Variants in RNF144A observed in about 807,000 individuals in gnomAD.
The protein encoded by RNF144A is E3 ubiquitin-protein ligase RNF144A.
A neutral mutation model predicts 38.7 loss-of-function variants in RNF144A; 11 were observed. The observed-to-expected ratio is 0.28, with a 90% CI of 0.18 to 0.47. The LOEUF is 0.47. Ranked by LOEUF, RNF144A falls within the 20% of genes least tolerant of loss-of-function variation. The pLI, the probability that RNF144A is intolerant of heterozygous loss-of-function variation, is 0.99. For synonymous variants in RNF144A, 149 were observed against 143.9 expected, an observed-to-expected ratio of 1.04 and a Z score of -0.25; for missense variants, 316 against 377.2, an observed-to-expected ratio of 0.84 and a Z score of 1.34.
At chr2:6,938,368 C>T (rs1472522527) in intron 1 of RNF144A, among the ~76,000 whole-genome samples, 2 of 151,722 alleles carry the variant, frequency 1.3e-5, no homozygotes, top group African/African-American at 4.8e-5. Context: ...CTGCCTCAGC[C>T]TCCCATGTAG....
intron 3 of RNF144A, among the ~76,000 whole-genome samples, chr2:7,005,350 T>G (rs930456771): frequency 6.6e-6 from 1 of 152,180 alleles, no homozygotes; most frequent in African/African-American, 2.4e-5. Flanking sequence ...TTCCCAGGCC[T>G]CTCTTCTGGG....
At chr2:7,036,457 G>A (rs989180844) in intron 8 of RNF144A, among the ~76,000 whole-genome samples, 2 of 152,200 alleles carry the variant, frequency 1.3e-5, no homozygotes, top group African/African-American at 4.8e-5. Flanking sequence ...AGGACCAGGT[G>A]TTCCTTCCAG....
At chr2:6,957,302 G>A (rs1667068419) in intron 2 of RNF144A, among the ~76,000 whole-genome samples, 1 of 152,224 alleles carries the variant, frequency 6.6e-6, no homozygotes, top group Admixed American at 6.5e-5. Flanking sequence ...CCTGGCATCT[G>A]CTCCGGTGTT....
In RNF144A at chr2:7,020,489, C is replaced by T; in HGVS notation, c.318C>T (p.Pro106=). ...CTGTACCAGAGGTGCTGTTTGATCCCTGTCGGACTTGGTGCCCGGCGTCCA... is the reference window on the plus strand; with the variant it reads ...CTGTACCAGAGGTGCTGTTTGATCCTTGTCGGACTTGGTGCCCGGCGTCCA... ...LQFEREVLFD[P]CRTWCPASTC... is the part of the protein sequence containing the mutation. Residue 106 remains proline (P), a synonymous_variant, in exon 6 of 9, where the codon CCC becomes CCT. Transcript: ENST00000320892. The T allele has an allele frequency of 6.2e-7, 1 of 1,613,836 alleles. No individual in the cohort carries two copies. Among genetic ancestry groups the T allele is most frequent in the Non-Finnish European group, 8.5e-7 (1 of 1,179,980 alleles).
At chr2:7,061,282 G>A (rs970506190) in intron 6 of RNF144A, among the ~76,000 whole-genome samples, 5 of 152,176 alleles carry the variant, frequency 3.3e-5, no homozygotes, top group African/African-American at 4.8e-5. Context: ...TTATGTCTCC[G>A]AGTTGGTTTC....
At chr2:7,032,219 G>A (rs1324451777) in intron 8 of RNF144A, among the ~76,000 whole-genome samples, 2 of 151,994 alleles carry the variant, frequency 1.3e-5, no homozygotes, top group African/African-American at 4.8e-5. Flanking sequence ...TGGAATCCGC[G>A]CCCCTTGCAG....
chr2:7,006,189 G>A (rs1449189441), intron 3 of RNF144A, among the ~76,000 whole-genome samples: 1 of 152,048 alleles, frequency 6.6e-6, no homozygotes, highest in Non-Finnish European at 1.5e-5. Flanking sequence ...AGTTGTCGGA[G>A]TTCCTGCACA....
chr2:7,028,882 G>C (rs1480332828), intron 7 of RNF144A, among the ~76,000 whole-genome samples: 1 of 152,170 alleles, frequency 6.6e-6, no homozygotes, highest in Non-Finnish European at 1.5e-5. Context: ...CCAGCCCCCA[G>C]CCAAAGCCTC....
intron 8 of RNF144A, among the ~76,000 whole-genome samples, chr2:7,034,534 C>T (rs916909166): frequency 1.3e-5 from 2 of 152,212 alleles, no homozygotes; most frequent in African/African-American, 2.4e-5. Context: ...GTCCTTCCTC[C>T]GGGCTGCTAC....
At chr2:6,952,198 C>T (rs939592876) in intron 2 of RNF144A, among the ~76,000 whole-genome samples, 4 of 152,002 alleles carry the variant, frequency 2.6e-5, no homozygotes, top group East Asian at 1.9e-4. Context: ...TGTTCTGTTA[C>T]GCTTACAATA....
intron 2 of RNF144A, among the ~76,000 whole-genome samples, chr2:6,979,442 A>G (rs1304543695): frequency 3.3e-5 from 5 of 152,208 alleles, no homozygotes; most frequent in African/African-American, 4.8e-5. Context: ...TGTCATTGCC[A>G]TTGTTAAACC....
Position 7,043,406 on chromosome 2 carries a change from T to G in RNF144A, c.*3646T>G. On this transcript the variant is annotated 3_prime_UTR_variant, in exon 9 of 9. Coordinates refer to ENST00000320892, the MANE Select transcript of RNF144A (RefSeq NM_014746.6). ...TTTAAAAATTAGGGGATTGAAAGGA[T>G]CCAGGATGGGCTTTGTGTGTGTGTC... 1.0e-6 allele frequency: 1 copy of G among 985,686 alleles called. No homozygotes were observed. Among genetic ancestry groups the G allele is most frequent in the Non-Finnish European group, 1.2e-6 (1 of 829,918 alleles). 61.1% of individuals were successfully genotyped at this position (985,686 alleles called of 1,614,324 possible). A position where few individuals can be genotyped will look rare whatever the true frequency, so the allele number is the denominator to read the frequency against.
intron 7 of RNF144A, among the ~76,000 whole-genome samples, chr2:7,025,300 A>C (rs1671812308): frequency 6.6e-6 from 1 of 152,206 alleles, no homozygotes; most frequent in African/African-American, 2.4e-5. Flanking sequence ...CCTTGCCCAT[A>C]TTAGGGCGTG....
In RNF144A at chr2:6,917,462, C is replaced by T. The variant is rs968471144; in HGVS notation, c.-372C>T. ...GCGCAGCCGCTTCTCCCCGCGCGGGCTCTCGGCAGGCGGGAGGCGGCAGGG... is the reference window on the plus strand; with the variant it reads ...GCGCAGCCGCTTCTCCCCGCGCGGGTTCTCGGCAGGCGGGAGGCGGCAGGG... On this transcript the variant is annotated 5_prime_UTR_variant, in exon 1 of 9. Coordinates refer to ENST00000320892, the MANE Select transcript of RNF144A (RefSeq NM_014746.6). The surrounding 1 kb of genome is among the most constrained non-coding windows in gnomAD (Gnocchi z 4.8). 6.8e-6 allele frequency: 1 copy of T among 147,050 alleles called. No homozygotes were observed. Among genetic ancestry groups the T allele is most frequent in the Admixed American group, 6.7e-5 (1 of 14,826 alleles). 9.1% of individuals were successfully genotyped at this position (147,050 alleles called of 1,614,324 possible). A position where few individuals can be genotyped will look rare whatever the true frequency, so the allele number is the denominator to read the frequency against.
intron 2 of RNF144A, among the ~76,000 whole-genome samples, chr2:6,952,119 A>G (rs1448988980): frequency 2.0e-5 from 3 of 152,130 alleles, no homozygotes; most frequent in Non-Finnish European, 2.9e-5. Context: ...TCATAAATAC[A>G]TGTTGAATTT....
At chr2:6,934,127 A>G (rs1665394372) in intron 1 of RNF144A, among the ~76,000 whole-genome samples, 1 of 152,240 alleles carries the variant, frequency 6.6e-6, no homozygotes, top group African/African-American at 2.4e-5. Context: ...TCTGCTAAGA[A>G]ATGGATGAAA....
intron 2 of RNF144A, among the ~76,000 whole-genome samples, chr2:6,969,239 A>C (rs563258857): frequency 6.2e-4 from 95 of 152,326 alleles, no homozygotes; most frequent in Middle Eastern, 3.4e-3. Flanking sequence ...CTCCCAGTAC[A>C]TCAGAGTGTG....
chr2:6,959,791 C>A (rs975665139), intron 2 of RNF144A, among the ~76,000 whole-genome samples: 4 of 152,044 alleles, frequency 2.6e-5, no homozygotes, highest in African/African-American at 9.7e-5. Context: ...AGATCACCAC[C>A]CCCCCCATAC....
intron 6 of RNF144A, among the ~76,000 whole-genome samples, chr2:7,062,497 T>TAAAA (rs70942688): frequency 1.7e-4 from 19 of 113,306 alleles, no homozygotes; most frequent in Admixed American, 2.7e-4. Context: ...TGCTGGGTGC[T>TAAAA]AAAAAAAAAA....
Sources: allele counts gnomAD v4.1 joint callset (sites outside exome capture counted in the v4.1 genomes callset), GRCh38; gene constraint gnomAD v4.1.1; non-coding constraint Gnocchi (gnomAD v3.1); transcripts MANE v1.5; gene names NCBI Gene and HGNC (gene_info 2026-07-23, HGNC 2026-07-21).